The following GIMAP8 variants were observed in gnomAD, a reference collection of about 807,000 sequenced individuals.
GIMAP8 encodes the protein GTPase IMAP family member 8.
GIMAP8 carries 29 observed loss-of-function variants against 35.6 expected under a neutral mutation model. That is an observed-to-expected ratio of 0.81 (90% CI 0.61 to 1.11). GIMAP8 has a LOEUF of 1.11. Among genes scored for constraint, GIMAP8 ranks in the 50% most tolerant of loss-of-function variants. The pLI is 0.00. For synonymous variants in GIMAP8, 335 were observed against 308.7 expected, an observed-to-expected ratio of 1.09 and a Z score of -0.89; for missense variants, 811 against 805.0, an observed-to-expected ratio of 1.01 and a Z score of -0.09.
Position 150,472,035 on chromosome 7 carries a change from T to G in GIMAP8, c.682+1161T>G, listed in dbSNP as rs1802104065. The stretch of plus-strand genomic sequence containing the variant: ...TGCACTCAGCCAGAAATACGTGTAC[T>G]CAGGCAGAAGGGTTTCAAAATTCTG... On this transcript the variant is annotated intron_variant, in intron 3 of 4. Coordinates refer to ENST00000307271, the MANE Select transcript of GIMAP8 (RefSeq NM_175571.4). The surrounding 1 kb of genome is among the most constrained non-coding windows in gnomAD (Gnocchi z 4.1). Among the ~76,000 whole-genome samples, 1 of 152,160 alleles carries G rather than the reference T, an allele frequency of 6.6e-6. No homozygotes were observed. The highest frequency in any genetic ancestry group is 1.5e-5 in the Non-Finnish European group (1 of 68,030).
chr7:150,453,723 C>T (rs2116582851), intron 1 of GIMAP8, among the ~76,000 whole-genome samples: 1 of 152,344 alleles, frequency 6.6e-6, no homozygotes, highest in Middle Eastern at 3.4e-3. Flanking sequence ...ATGGAACTCA[C>T]CTGTAGTGGT....
intron 1 of GIMAP8, among the ~76,000 whole-genome samples, chr7:150,453,066 G>A (rs535745775): frequency 1.3e-4 from 20 of 151,940 alleles, no homozygotes; most frequent in South Asian, 1.0e-3. Context: ...CTGTTATGGA[G>A]CTTTGTACCA....
intron 1 of GIMAP8, among the ~76,000 whole-genome samples, chr7:150,452,906 A>G (rs1288247261): frequency 6.6e-6 from 1 of 150,390 alleles, no homozygotes; most frequent in East Asian, 2.0e-4. Flanking sequence ...AGTTCTAAAA[A>G]CCGTTTTTCT....
At chr7:150,458,330 A>G (rs1048277794) in intron 1 of GIMAP8, among the ~76,000 whole-genome samples, 3 of 152,212 alleles carry the variant, frequency 2.0e-5, no homozygotes, top group Non-Finnish European at 2.9e-5. Context: ...GATGAAGTCC[A>G]AAGGCCATCT....
At chr7:150,471,009 A>G in intron 3 of GIMAP8, 135 bp downstream of exon 3, 1 of 692,982 alleles carries the variant, frequency 1.4e-6, no homozygotes, top group South Asian at 1.6e-5. Flanking sequence ...GTTGGTTCCC[A>G]CAAGCTATCC....
intron 1 of GIMAP8, among the ~76,000 whole-genome samples, chr7:150,459,792 C>T (rs1450357593): frequency 2.0e-5 from 3 of 152,198 alleles, no homozygotes; most frequent in East Asian, 1.9e-4. Flanking sequence ...AGTGAGTTCC[C>T]GTGAAGTAAG....
At chr7:150,476,278 T>C (rs1235305401) in intron 4 of GIMAP8, among the ~76,000 whole-genome samples, 2 of 152,260 alleles carry the variant, frequency 1.3e-5, no homozygotes, top group Non-Finnish European at 2.9e-5. Flanking sequence ...GGAAGAGAAC[T>C]ACGAAGAGAC....
At chr7:150,470,313 G>C (rs1195061277) in intron 2 of GIMAP8, among the ~76,000 whole-genome samples, 1 of 152,164 alleles carries the variant, frequency 6.6e-6, no homozygotes, top group African/African-American at 2.4e-5. Flanking sequence ...AGTCTAGGAA[G>C]TTTCTAAGAC....
At chr7:150,460,997 G>T (rs995819094) in intron 1 of GIMAP8, among the ~76,000 whole-genome samples, 1 of 152,232 alleles carries the variant, frequency 6.6e-6, no homozygotes, top group African/African-American at 2.4e-5. Context: ...GCAAGGCTTT[G>T]CTCCAAAATC....
In GIMAP8 at chr7:150,467,244, GT is replaced by G. The variant is rs776560216; in HGVS notation, c.548del (p.Leu183TrpfsTer11). On this transcript the variant is annotated frameshift_variant, in exon 2 of 5. Coordinates refer to ENST00000307271, the MANE Select transcript of GIMAP8 (RefSeq NM_175571.4). LOFTEE classifies it high-confidence loss of function. ...NSKDEQITQVLELLRKVESLV... is the reference protein window; with the variant it reads ...NSKDEQITQVXELLRKVESLV... ...GTAAGGATGAGCAGATCACCCAGGT[GT>G]TGGAGCTCCTTCGCAAGGTTGAGTC... 2.5e-6 allele frequency: 4 copies of G among 1,614,248 alleles called. No individual in the cohort carries two copies. The highest frequency in any genetic ancestry group is 3.4e-6 in the Non-Finnish European group (4 of 1,180,040).
intron 1 of GIMAP8, among the ~76,000 whole-genome samples, chr7:150,456,084 G>T (rs1246464612): frequency 1.3e-5 from 2 of 152,142 alleles, no homozygotes; most frequent in African/African-American, 4.8e-5. Context: ...CAAGGAAATA[G>T]TACTAATATT....
chr7:150,477,723 C>A lies in GIMAP8; in HGVS notation c.1941C>A (p.Val647=). ...QENVSKLIKN[V]QEMSQAEKLL... ...ACGTCAGCAAACTAATTAAAAATGTCCAGGAAATGTCCCAAGCCGAAAAAC... is the reference window on the plus strand; with the variant it reads ...ACGTCAGCAAACTAATTAAAAATGTACAGGAAATGTCCCAAGCCGAAAAAC... The change falls in exon 5 of 5, where the codon GTC becomes GTA. Residue 647 remains valine, a synonymous_variant. Transcript: ENST00000307271. The A allele has an allele frequency of 6.2e-7, 1 of 1,613,942 alleles. No individual in the cohort carries two copies. Among genetic ancestry groups the A allele is most frequent in the South Asian group, 1.1e-5 (1 of 91,042 alleles).
At position 150,470,746 on chromosome 7, in the gene GIMAP8, C is replaced by CTT. The variant is rs765100972; in HGVS notation, c.637-62_637-61dup. On this transcript the variant is annotated intron_variant, in intron 2 of 4. Transcript: ENST00000307271. ...CATTCTGAATTAATACTTCAATTTC[C>CTT]TTTTTTTTTTTTTTTTTTTTTTCAG... The CTT allele has an allele frequency of 3.5e-3, 1,658 of 467,574 alleles. 26 individuals carry two copies. Among genetic ancestry groups the CTT allele is most frequent in the African/African-American group, 0.015 (418 of 27,926 alleles). 29.0% of individuals were successfully genotyped at this position (467,574 alleles called of 1,614,324 possible). A position where few individuals can be genotyped will look rare whatever the true frequency, so the allele number is the denominator to read the frequency against.
intron 1 of GIMAP8, among the ~76,000 whole-genome samples, chr7:150,460,411 G>C (rs533405794): frequency 1.8e-3 from 280 of 152,260 alleles, no homozygotes; most frequent in African/African-American, 6.3e-3. Flanking sequence ...GTTTCTTCTA[G>C]GTCCTTGACC....
Position 150,474,651 on chromosome 7 carries a change from A to AT in GIMAP8, c.1309+14dup, listed in dbSNP as rs778843108. The AT allele has an allele frequency of 1.3e-6, 2 of 1,500,838 alleles. No individual in the cohort carries two copies. The highest frequency in any genetic ancestry group is 4.6e-5 in the East Asian group (2 of 43,852). The allele number at this position is 1,500,838 out of a possible 1,614,324, so 93.0% of individuals were successfully genotyped here. A position where few individuals can be genotyped will look rare whatever the true frequency, so the allele number is the denominator to read the frequency against. On this transcript the variant is annotated intron_variant, in intron 4 of 4. Transcript: ENST00000307271. ...TTCAGAGAAAAAGGTAAAACTGTGA[A>AT]TAGGATATATATTTTTACATATATC...
Position 150,477,584 on chromosome 7 carries a change from T to C in GIMAP8, c.1802T>C (p.Phe601Ser). Residue 601 changes from phenylalanine to serine, a missense_variant, in exon 5 of 5, where the codon TTT becomes TCT. Physicochemically the swap from Phe to Ser is radical, Grantham distance 155. Transcript: ENST00000307271. ...FKKCGRRVCA[F>S]NNKETGQAQE... ...AAGTGTGGGCGGCGAGTTTGTGCTTTTAACAACAAAGAAACAGGCCAGGCC... is the reference window on the plus strand; with the variant it reads ...AAGTGTGGGCGGCGAGTTTGTGCTTCTAACAACAAAGAAACAGGCCAGGCC... 1.2e-6 allele frequency: 2 copies of C among 1,614,146 alleles called. No homozygotes were observed. Among genetic ancestry groups the C allele is most frequent in the Non-Finnish European group, 1.7e-6 (2 of 1,180,024 alleles).
chr7:150,454,394 C>T (rs908639075), intron 1 of GIMAP8, among the ~76,000 whole-genome samples: 1 of 152,150 alleles, frequency 6.6e-6, no homozygotes, highest in African/African-American at 2.4e-5. Context: ...GTTAATATTA[C>T]TGCAAAAGTC....
chr7:150,458,135 G>A (rs1261757838), intron 1 of GIMAP8, among the ~76,000 whole-genome samples: 1 of 152,176 alleles, frequency 6.6e-6, no homozygotes, highest in African/African-American at 2.4e-5. Flanking sequence ...AATGAATGAT[G>A]TGTGTGGTGT....
At chr7:150,471,900 C>T (rs1426076015) in intron 3 of GIMAP8, among the ~76,000 whole-genome samples, 1 of 151,926 alleles carries the variant, frequency 6.6e-6, no homozygotes, top group Non-Finnish European at 1.5e-5. Context: ...ATATGTAATT[C>T]AATCTTCATA....
Sources: allele counts gnomAD v4.1 joint callset (sites outside exome capture counted in the v4.1 genomes callset), GRCh38; gene constraint gnomAD v4.1.1; non-coding constraint Gnocchi (gnomAD v3.1); transcripts MANE v1.5; gene names NCBI Gene and HGNC (gene_info 2026-07-23, HGNC 2026-07-21).